UBE2J1: variants seen among roughly 807,000 people sequenced by gnomAD.
UBE2J1 encodes ubiquitin-conjugating enzyme E2 J1.
Under a neutral mutation model 42.1 loss-of-function variants are expected in UBE2J1, and 17 were observed. The observed-to-expected ratio is 0.40, with a 90% CI of 0.28 to 0.61. The LOEUF is 0.61. Among genes scored for constraint, UBE2J1 ranks in the 20% least tolerant of loss-of-function variants. The pLI is 0.38. For missense variants in UBE2J1, 291 were observed against 389.4 expected, an observed-to-expected ratio of 0.75 and a Z score of 2.13; for synonymous variants, 127 against 137.2, an observed-to-expected ratio of 0.93 and a Z score of 0.52.
chr6:89,348,588 G>C lies in UBE2J1; in HGVS notation c.31+3951C>G, dbSNP rs113898526. ...GCCTACAGAGTGATGTTTCTGCCCA[G>C]GAGGACCCTGCAAATGTATCAGTTC... On this transcript the variant is annotated intron_variant, in intron 1 of 7. Transcript: ENST00000435041. Among the ~76,000 whole-genome samples, 929 of 152,266 alleles carry C rather than the reference G, an allele frequency of 6.1e-3. 9 individuals are homozygous for C. Among genetic ancestry groups the C allele is most frequent in the African/African-American group, 0.02 (817 of 41,554 alleles).
chr6:89,338,419 G>A (rs769614230), intron 4 of UBE2J1, 40 bp downstream of exon 4: 2 of 1,570,890 alleles, frequency 1.3e-6, no homozygotes, highest in East Asian at 4.5e-5. Flanking sequence ...TGAATTGACT[G>A]AAGTTATGAG....
chr6:89,350,010 T>TAATCCATA (rs1315693583), intron 1 of UBE2J1, among the ~76,000 whole-genome samples: 1 of 34,756 alleles, frequency 2.9e-5, no homozygotes, highest in African/African-American at 2.0e-4. Context: ...ACAAGTAGCA[T>TAATCCATA]GATCCATAGA....
chr6:89,349,907 A>G (rs917933889), intron 1 of UBE2J1, among the ~76,000 whole-genome samples: 1 of 152,010 alleles, frequency 6.6e-6, no homozygotes, highest in African/African-American at 2.4e-5. Context: ...ACATTTCTTC[A>G]CTTTGTACTA....
intron 1 of UBE2J1, among the ~76,000 whole-genome samples, chr6:89,351,347 G>T (rs1039134133): frequency 6.6e-6 from 1 of 152,028 alleles, no homozygotes; most frequent in African/African-American, 2.4e-5. Context: ...TTACAAGCGT[G>T]TGCCACCGTG....
intron 6 of UBE2J1, among the ~76,000 whole-genome samples, chr6:89,333,866 C>T (rs73506039): frequency 0.054 from 8,232 of 152,214 alleles, 367 homozygotes; most frequent in African/African-American, 0.12. Flanking sequence ...GAAAGACAGA[C>T]AGTCCATAGA....
At position 89,327,670 on chromosome 6, in the gene UBE2J1, A is replaced by T. The variant is rs1481557136; in HGVS notation, c.*2009T>A. Reference sequence around the variant, plus strand: ...GCAAAATCTTCTTGGCTTTTTATTTAACTTAGCAGTGAATGCAGCAGGATT... The same window carrying T: ...GCAAAATCTTCTTGGCTTTTTATTTTACTTAGCAGTGAATGCAGCAGGATT... On this transcript the variant is annotated 3_prime_UTR_variant, in exon 8 of 8. Coordinates refer to ENST00000435041, the MANE Select transcript of UBE2J1 (RefSeq NM_016021.3). The T allele has an allele frequency of 6.6e-6, 1 of 152,230 alleles. No individual in the cohort carries two copies. The highest frequency in any genetic ancestry group is 1.5e-5 in the Non-Finnish European group (1 of 68,062). The allele number at this position is 152,230 out of a possible 1,614,324, so 9.4% of individuals were successfully genotyped here. A position where few individuals can be genotyped will look rare whatever the true frequency, so the allele number is the denominator to read the frequency against.
rs1767937402 is a variant in UBE2J1 at position 89,327,867 on chromosome 6, T to C, written c.*1812A>G. The C allele has an allele frequency of 6.6e-6, 1 of 152,184 alleles. No individual in the cohort carries two copies. The highest frequency in any genetic ancestry group is 1.5e-5 in the Non-Finnish European group (1 of 68,034). 9.4% of individuals were successfully genotyped at this position (152,184 alleles called of 1,614,324 possible). ...TCTTCTCATATGACGCTACCGTCGG[T>C]GACTTCTTACTAGGAGACCACTGAG... is the stretch of plus-strand genomic sequence containing the variant. On this transcript the variant is annotated 3_prime_UTR_variant, in exon 8 of 8. Transcript: ENST00000435041.
intron 3 of UBE2J1, 79 bp downstream of exon 3, chr6:89,342,245 G>A (rs908173437): frequency 9.9e-6 from 15 of 1,508,892 alleles, no homozygotes; most frequent in Non-Finnish European, 1.4e-5. Context: ...ATTTCTTAAT[G>A]AAAATGATTT....
intron 5 of UBE2J1, among the ~76,000 whole-genome samples, chr6:89,335,895 A>G (rs190701572): frequency 2.3e-4 from 35 of 152,388 alleles, no homozygotes; most frequent in Admixed American, 1.8e-3. Context: ...AAATAGCAGT[A>G]TAACTTGAAA....
At chr6:89,330,868 A>G (rs1187900322) in intron 7 of UBE2J1, among the ~76,000 whole-genome samples, 1 of 152,168 alleles carries the variant, frequency 6.6e-6, no homozygotes, top group Non-Finnish European at 1.5e-5. Context: ...AATAACCAGC[A>G]TGTGTGAGGG....
chr6:89,340,892 C>T (rs1768234745), intron 3 of UBE2J1, among the ~76,000 whole-genome samples: 2 of 151,594 alleles, frequency 1.3e-5, no homozygotes. Context: ...TCTCCTGCCT[C>T]AGCCTCCCGA....
At chr6:89,351,681 G>A (rs570097359) in intron 1 of UBE2J1, among the ~76,000 whole-genome samples, 3 of 152,178 alleles carry the variant, frequency 2.0e-5, no homozygotes, top group Non-Finnish European at 4.4e-5. Context: ...AGTTTATCAT[G>A]CAGAGTTAAC....
In UBE2J1 at chr6:89,342,420, C is replaced by T. The variant is rs747099086; in HGVS notation, c.141G>A (p.Gly47=). 1 of 1,612,736 alleles carries T rather than the reference C, an allele frequency of 6.2e-7. No individual in the cohort carries two copies. Among genetic ancestry groups the T allele is most frequent in the Non-Finnish European group, 8.5e-7 (1 of 1,179,570 alleles). The change falls in exon 3 of 8, where the codon GGG becomes GGA. Residue 47 remains glycine, a synonymous_variant. Coordinates refer to ENST00000435041, the MANE Select transcript of UBE2J1 (RefSeq NM_016021.3). ...CTCCATCAAAATCGGAGTCTGGGGG[C>T]CCTCTAACCGTGAAGTGCCATTCAA... ...NLFEWHFTVR[G]PPDSDFDGGV...
chr6:89,342,186 T>A, intron 3 of UBE2J1, 138 bp downstream of exon 3: 1 of 781,882 alleles, frequency 1.3e-6, no homozygotes, highest in Non-Finnish European at 2.0e-6. Flanking sequence ...AGGAAAAAAA[T>A]TGTAGTCCCA....
chr6:89,327,751 G>C lies in UBE2J1; in HGVS notation c.*1928C>G, dbSNP rs1472899699. On this transcript the variant is annotated 3_prime_UTR_variant, in exon 8 of 8. Coordinates refer to ENST00000435041, the MANE Select transcript of UBE2J1 (RefSeq NM_016021.3). ...CATGCAATAAGATCACATCGATCCAGAGGCTGGCTCAAGTTTGACTGAGGG... is the reference window on the plus strand; with the variant it reads ...CATGCAATAAGATCACATCGATCCACAGGCTGGCTCAAGTTTGACTGAGGG... 6.6e-6 allele frequency: 1 copy of C among 152,232 alleles called. No individual in the cohort carries two copies. The highest frequency in any genetic ancestry group is 1.5e-5 in the Non-Finnish European group (1 of 68,052). The allele number at this position is 152,232 out of a possible 1,614,324, so 9.4% of individuals were successfully genotyped here. A position where few individuals can be genotyped will look rare whatever the true frequency, so the allele number is the denominator to read the frequency against.
chr6:89,338,765 A>T (rs1039193855), intron 3 of UBE2J1, among the ~76,000 whole-genome samples: 3 of 141,934 alleles, frequency 2.1e-5, no homozygotes, highest in Admixed American at 8.0e-5. Context: ...TCCCGGGTTC[A>T]CGCCATTCTC....
intron 1 of UBE2J1, among the ~76,000 whole-genome samples, chr6:89,350,589 GT>G (rs561984659): frequency 5.4e-4 from 78 of 145,178 alleles, no homozygotes; most frequent in East Asian, 7.9e-4. Context: ...GAAGCATTGT[GT>G]TTTTTTTTTT....
At position 89,344,860 on chromosome 6, in the gene UBE2J1, A is replaced by G. The variant is rs111881611; in HGVS notation, c.32-1104T>C. ...GATGCCTATCACAATCTACAATCCT[A>G]TCTGTATCTGCACCCTCTGTCTTCT... On this transcript the variant is annotated intron_variant, in intron 1 of 7. Transcript: ENST00000435041. Among the ~76,000 whole-genome samples the G allele has an allele frequency of 7.4e-3, 1,132 of 152,252 alleles. 10 individuals are homozygous for G. The highest frequency in any genetic ancestry group is 0.026 in the African/African-American group (1,093 of 41,536).
chr6:89,351,156 A>G (rs1446176094), intron 1 of UBE2J1, among the ~76,000 whole-genome samples: 1 of 126,006 alleles, frequency 7.9e-6, no homozygotes, highest in Non-Finnish European at 1.5e-5. Context: ...ATCTCGGCTC[A>G]CTGCAACCTC....
Sources: allele counts gnomAD v4.1 joint callset (sites outside exome capture counted in the v4.1 genomes callset), GRCh38; gene constraint gnomAD v4.1.1; transcripts MANE v1.5; gene names NCBI Gene and HGNC (gene_info 2026-07-23, HGNC 2026-07-21).